KNTC1: variants seen among roughly 807,000 people sequenced by gnomAD.
KNTC1 encodes the protein kinetochore-associated protein 1.
A neutral mutation model predicts 314.4 loss-of-function variants in KNTC1; 253 were observed. That is an observed-to-expected ratio of 0.80 (90% CI 0.73 to 0.89). KNTC1 has a LOEUF of 0.89. KNTC1 is among the 40% of genes least tolerant of loss of function. KNTC1 has a pLI of 0.00. For synonymous variants in KNTC1, 901 were observed against 901.4 expected, an observed-to-expected ratio of 1.00 and a Z score of 0.01; for missense variants, 2,475 against 2,572.9, an observed-to-expected ratio of 0.96 and a Z score of 0.82.
At chr12:122,585,531 T>C (rs2138008020) in intron 36 of KNTC1, 105 bp from the exon 37 acceptor site, 2 of 1,262,864 alleles carry the variant, frequency 1.6e-6, no homozygotes, top group East Asian at 4.7e-5. Context: ...TGTCCTTCTG[T>C]TAGAGTTTAA....
Position 122,549,843 on chromosome 12 carries a change from G to A in KNTC1, c.1065G>A (p.Leu355=), listed in dbSNP as rs1349712817. The A allele has an allele frequency of 5.1e-6, 8 of 1,557,272 alleles. No homozygotes were observed. Among genetic ancestry groups the A allele is most frequent in the Non-Finnish European group, 7.0e-6 (8 of 1,138,290 alleles). ...TGGAAGTATCTAGTGTTTCTTCTCT[G>A]GTCCAAACAGGAATTAGCACAGTAA... ...YSLEVSSVSS[L]VQTGISTDTI... Residue 355 remains leucine (L), a synonymous_variant, in exon 13 of 64, where the codon CTG becomes CTA. Transcript: ENST00000333479.
intron 20 of KNTC1, among the ~76,000 whole-genome samples, chr12:122,567,920 A>T (rs1217749267): frequency 6.6e-6 from 1 of 152,168 alleles, no homozygotes; most frequent in Non-Finnish European, 1.5e-5. Context: ...TGAGCCCAGG[A>T]ATTCAAGTCC....
chr12:122,538,885 G>A (rs1188334612), intron 4 of KNTC1, among the ~76,000 whole-genome samples: 1 of 152,196 alleles, frequency 6.6e-6, no homozygotes, highest in Non-Finnish European at 1.5e-5. Flanking sequence ...TATCTCACTA[G>A]CATGTTAAAT....
At chr12:122,586,880 G>T (rs887702367) in intron 38 of KNTC1, 123 bp downstream of exon 38, 4 of 217,300 alleles carry the variant, frequency 1.8e-5, no homozygotes, top group African/African-American at 4.7e-5. Flanking sequence ...TGGCATGATT[G>T]GAGCTCACTG....
chr12:122,603,269 AG>A, intron 48 of KNTC1, 26 bp downstream of exon 48: 7 of 1,349,844 alleles, frequency 5.2e-6, no homozygotes, highest in Non-Finnish European at 6.0e-6. Context: ...TTAAAATTGT[AG>A]TTAAAAAAAA....
At chr12:122,547,662 C>T (rs946071439) in intron 11 of KNTC1, 132 bp downstream of exon 11, 8 of 681,508 alleles carry the variant, frequency 1.2e-5, no homozygotes, top group Non-Finnish European at 1.7e-5. Context: ...GAGTAAAGAC[C>T]GTTTGCAAAA....
chr12:122,601,726 TC>T, intron 45 of KNTC1, 101 bp downstream of exon 45: 1 of 1,146,248 alleles, frequency 8.7e-7, no homozygotes, highest in South Asian at 2.4e-5. Flanking sequence ...TCCATTGAAT[TC>T]CCTTTAAACT....
chr12:122,613,881 C>A, intron 55 of KNTC1, 120 bp downstream of exon 55: 1 of 1,059,816 alleles, frequency 9.4e-7, no homozygotes, highest in Non-Finnish European at 1.3e-6. Flanking sequence ...TGCTCTGTTG[C>A]CCAGGCTGGA....
intron 44 of KNTC1, among the ~76,000 whole-genome samples, chr12:122,600,156 A>G (rs1431287784): frequency 6.6e-6 from 1 of 151,990 alleles, no homozygotes; most frequent in Non-Finnish European, 1.5e-5. Flanking sequence ...CTGGAGTGTA[A>G]TGGCACGATC....
chr12:122,568,169 A>G (rs1264278873), intron 20 of KNTC1, 92 bp from the exon 21 acceptor site: 1 of 679,872 alleles, frequency 1.5e-6, no homozygotes, highest in Non-Finnish European at 2.6e-6. Flanking sequence ...GAAGAAGAAA[A>G]CTAATTAAAA....
intron 12 of KNTC1, 140 bp downstream of exon 12, chr12:122,548,109 G>T (rs1962923490): frequency 9.4e-6 from 5 of 532,120 alleles, no homozygotes; most frequent in Non-Finnish European, 1.6e-5. Flanking sequence ...TAAACCTGCA[G>T]AACTCTTTTT....
At chr12:122,592,268 G>A (rs1870347323) in intron 42 of KNTC1, among the ~76,000 whole-genome samples, 1 of 152,256 alleles carries the variant, frequency 6.6e-6, no homozygotes, top group African/African-American at 2.4e-5. Flanking sequence ...CCACGGGGCA[G>A]GCCTTGGGAC....
At position 122,603,203 on chromosome 12, in the gene KNTC1, T is replaced by C; in HGVS notation, c.5061T>C (p.Ala1687=). 6.2e-7 allele frequency: 1 copy of C among 1,613,244 alleles called. No homozygotes were observed. Among genetic ancestry groups the C allele is most frequent in the African/African-American group, 1.3e-5 (1 of 74,970 alleles). ...TCTCTATAGTCAACCCAGAGTGGGCTGTAGCTATTGCCATCAGCCTTGCCC... is the reference window on the plus strand; with the variant it reads ...TCTCTATAGTCAACCCAGAGTGGGCCGTAGCTATTGCCATCAGCCTTGCCC... ...CLLSIVNPEW[A]VAIAISLAQD... Residue 1687 remains alanine (A), a synonymous_variant, in exon 48 of 64, where the codon GCT becomes GCC. Coordinates refer to ENST00000333479, the MANE Select transcript of KNTC1 (RefSeq NM_014708.6).
chr12:122,557,768 A>C, intron 18 of KNTC1, 79 bp downstream of exon 18: 1 of 990,064 alleles, frequency 1.0e-6, no homozygotes, highest in Non-Finnish European at 1.5e-6. Flanking sequence ...TGCCTCAAAT[A>C]TATCTTTTCC....
intron 32 of KNTC1, 59 bp downstream of exon 32, chr12:122,580,036 A>G: frequency 8.6e-7 from 1 of 1,166,906 alleles, no homozygotes; most frequent in South Asian, 1.3e-5. Flanking sequence ...CCTCTTCAGA[A>G]AGAGGCATCG....
rs1009240472 is a variant in KNTC1 at position 122,591,304 on chromosome 12, C to T, written c.4129-33C>T. 1.8e-5 allele frequency: 19 copies of T among 1,081,654 alleles called. No homozygotes were observed. The East Asian group carries it at 1.9e-4, about 11-fold the overall frequency. The allele number at this position is 1,081,654 out of a possible 1,614,324, so 67.0% of individuals were successfully genotyped here. On this transcript the variant is annotated intron_variant, in intron 41 of 63. Transcript: ENST00000333479. ...GTGTTATAAGAATACATTCTACTTACGATTGAACTTTAATTCTCTTTTAAT... is the reference window on the plus strand; with the variant it reads ...GTGTTATAAGAATACATTCTACTTATGATTGAACTTTAATTCTCTTTTAAT...
At chr12:122,602,139 CTT>C (rs974153101) in intron 45 of KNTC1, among the ~76,000 whole-genome samples, 1 of 151,408 alleles carries the variant, frequency 6.6e-6, no homozygotes, top group Admixed American at 6.6e-5. Flanking sequence ...GTTAATAAGA[CTT>C]ATTATATAAG....
intron 18 of KNTC1, among the ~76,000 whole-genome samples, chr12:122,559,217 A>C (rs11058721): frequency 6.6e-6 from 1 of 151,842 alleles, no homozygotes; most frequent in Non-Finnish European, 1.5e-5. Context: ...TTATCCAGGC[A>C]TGGTGGCACG....
chr12:122,532,994 G>A (rs1961493981), intron 2 of KNTC1, among the ~76,000 whole-genome samples: 1 of 152,128 alleles, frequency 6.6e-6, no homozygotes, highest in African/African-American at 2.4e-5. Context: ...AGAATGGCGT[G>A]AGCCCAGGAG....
Sources: gnomAD v4.1 joint callset for allele counts (sites outside exome capture counted in the v4.1 genomes callset) on GRCh38, gnomAD v4.1.1 for gene constraint, MANE v1.5 for transcripts, NCBI Gene and HGNC (gene_info 2026-07-23, HGNC 2026-07-21) for gene names.